The following RGS6 variants were observed in gnomAD, a reference collection of about 807,000 sequenced individuals.
The protein encoded by RGS6 is regulator of G-protein signaling 6.
A neutral mutation model predicts 78.5 loss-of-function variants in RGS6; 30 were observed. That is an observed-to-expected ratio of 0.38 (90% confidence interval 0.29 to 0.52). RGS6 has a LOEUF of 0.52. RGS6 is among the 20% of genes least tolerant of loss of function. The pLI, the probability that RGS6 is intolerant of heterozygous loss-of-function variation, is 0.85. For missense variants in RGS6, 495 were observed against 609.7 expected, an observed-to-expected ratio of 0.81 and a Z score of 1.98; for synonymous variants, 206 against 206.0, an observed-to-expected ratio of 1.00 and a Z score of 0.00.
At chr14:72,050,894 AT>A (rs1158675759) in intron 2 of RGS6, among the ~76,000 whole-genome samples, 1 of 152,176 alleles carries the variant, frequency 6.6e-6, no homozygotes, top group Non-Finnish European at 1.5e-5. Flanking sequence ...CCTGGAACCA[AT>A]CCCCCAAGTG....
intron 2 of RGS6, among the ~76,000 whole-genome samples, chr14:72,023,656 A>G (rs2089219050): frequency 6.6e-6 from 1 of 152,234 alleles, no homozygotes; most frequent in Non-Finnish European, 1.5e-5. Context: ...AGTTTGAGTC[A>G]TGAGGAAACA....
chr14:72,053,090 T>C (rs1362881047), intron 2 of RGS6, among the ~76,000 whole-genome samples: 2 of 41,518 alleles, frequency 4.8e-5, no homozygotes, highest in African/African-American at 2.3e-4. Context: ...CCTTCCTTCC[T>C]TCCTTCCTTC....
At chr14:72,188,142 G>A (rs999601576) in intron 2 of RGS6, among the ~76,000 whole-genome samples, 17 of 152,046 alleles carry the variant, frequency 1.1e-4, no homozygotes, top group South Asian at 1.0e-3. Context: ...AAATATGAGT[G>A]TTAGATAAGC....
the RGS6 span, among the ~76,000 whole-genome samples, chr14:72,623,888 C>T: frequency 6.6e-6 from 1 of 152,076 alleles, no homozygotes; most frequent in Non-Finnish European, 1.5e-5. Context: ...GATTCCAGGT[C>T]TGGAGCATAA....
chr14:71,945,487 A>G (rs924166278), intron 1 of RGS6, among the ~76,000 whole-genome samples: 4 of 152,246 alleles, frequency 2.6e-5, no homozygotes, highest in Admixed American at 6.5e-5. Flanking sequence ...TTCTTCCACA[A>G]TGGTAACAAG....
At chr14:72,363,047 G>A (rs2081775763) in intron 3 of RGS6, among the ~76,000 whole-genome samples, 1 of 152,172 alleles carries the variant, frequency 6.6e-6, no homozygotes, top group African/African-American at 2.4e-5. Context: ...GTATGTATTT[G>A]AGAAGAGGAG....
chr14:72,329,710 C>T (rs968227324), intron 2 of RGS6, among the ~76,000 whole-genome samples: 1 of 152,154 alleles, frequency 6.6e-6, no homozygotes, highest in African/African-American at 2.4e-5. Context: ...GCACTCTTTG[C>T]GTAGGGTGAG....
intron 3 of RGS6, among the ~76,000 whole-genome samples, chr14:72,406,829 C>G (rs752679388): frequency 8.5e-5 from 13 of 152,132 alleles, no homozygotes; most frequent in Non-Finnish European, 1.5e-4. Flanking sequence ...GGAAGTCAGC[C>G]TCCTTAAAGC....
chr14:72,513,592 G>C (rs2096904991), intron 14 of RGS6, among the ~76,000 whole-genome samples: 1 of 152,176 alleles, frequency 6.6e-6, no homozygotes, highest in South Asian at 2.1e-4. Flanking sequence ...CACAAGGCAG[G>C]GGCCTCACAG....
chr14:72,248,263 G>A (rs1223716191), intron 2 of RGS6, among the ~76,000 whole-genome samples: 1 of 152,154 alleles, frequency 6.6e-6, no homozygotes, highest in African/African-American at 2.4e-5. Flanking sequence ...TAGATTTAGC[G>A]TGGAAGCAGA....
chr14:72,029,467 A>G (rs1363703567), intron 2 of RGS6, among the ~76,000 whole-genome samples: 1 of 152,184 alleles, frequency 6.6e-6, no homozygotes, highest in African/African-American at 2.4e-5. Flanking sequence ...ACTGCTATGA[A>G]AGTTCCCTCC....
intron 2 of RGS6, among the ~76,000 whole-genome samples, chr14:72,275,275 T>G (rs577198738): frequency 1.3e-4 from 20 of 152,348 alleles, no homozygotes; most frequent in Admixed American, 1.2e-3. Context: ...TAAAAGGAGA[T>G]GGCAGTTTTA....
At chr14:72,003,183 T>C (rs144632539) in intron 2 of RGS6, among the ~76,000 whole-genome samples, 41 of 152,306 alleles carry the variant, frequency 2.7e-4, no homozygotes, top group African/African-American at 7.7e-4. Flanking sequence ...GCGGCTACTA[T>C]TTTACTTACC....
chr14:72,556,103 T>C (rs755058240), intron 17 of RGS6, among the ~76,000 whole-genome samples: 6 of 121,192 alleles, frequency 5.0e-5, no homozygotes, highest in Admixed American at 8.0e-5. Context: ...TCAAAAACTT[T>C]TTAAAATATT....
At chr14:72,493,594 A>G (rs114846156) in intron 12 of RGS6, among the ~76,000 whole-genome samples, 1 of 152,300 alleles carries the variant, frequency 6.6e-6, no homozygotes, top group African/African-American at 2.4e-5. Flanking sequence ...TTTCTTATCT[A>G]TCACACACTG....
rs140859352 is a variant in RGS6, at chr14:72,135,706, T to C, written c.84+170831T>C. Among the ~76,000 whole-genome samples the C allele has an allele frequency of 4.4e-3, 673 of 152,220 alleles. 5 individuals are homozygous for C. Among genetic ancestry groups the C allele is most frequent in the African/African-American group, 0.015 (626 of 41,536 alleles). On this transcript the variant is annotated intron_variant, in intron 2 of 17. Coordinates refer to ENST00000553525, the MANE Select transcript of RGS6 (RefSeq NM_001204424.2). ...GGACTGGTGGGTGACTGTAGTGATATTGATATTCAGAGAGGAGTGAAAAAT... is the reference window on the plus strand; with the variant it reads ...GGACTGGTGGGTGACTGTAGTGATACTGATATTCAGAGAGGAGTGAAAAAT...
intron 2 of RGS6, among the ~76,000 whole-genome samples, chr14:72,052,130 A>G (rs36735): frequency 0.27 from 40,694 of 151,988 alleles, 5,812 homozygotes; most frequent in Admixed American, 0.32. Context: ...AGACTTGAAA[A>G]ATGTATTTGG....
intron 2 of RGS6, among the ~76,000 whole-genome samples, chr14:72,112,799 T>A (rs2095797851): frequency 6.6e-6 from 1 of 152,204 alleles, no homozygotes; most frequent in African/African-American, 2.4e-5. Context: ...AACCCTGGTC[T>A]TGGGCATCTG....
At chr14:72,502,743 G>A (rs1008624084) in intron 13 of RGS6, among the ~76,000 whole-genome samples, 19 of 151,818 alleles carry the variant, frequency 1.3e-4, no homozygotes, top group African/African-American at 3.9e-4. Flanking sequence ...CAGCCTGAGC[G>A]ACAGGGTGAG....
Sources: gnomAD v4.1 joint callset for allele counts (sites outside exome capture counted in the v4.1 genomes callset) on GRCh38, gnomAD v4.1.1 for gene constraint, MANE v1.5 for transcripts, NCBI Gene and HGNC (gene_info 2026-07-23, HGNC 2026-07-21) for gene names.